RANBP10: variants seen among roughly 807,000 people sequenced by gnomAD.
The protein encoded by RANBP10 is ran-binding protein 10.
RANBP10 carries 24 observed loss-of-function variants against 72.8 expected under a neutral mutation model. The observed-to-expected ratio is 0.33, with a 90% CI of 0.24 to 0.46. The LOEUF is 0.46. Among genes scored for constraint, RANBP10 ranks in the 20% least tolerant of loss-of-function variants. RANBP10 has a pLI of 1.00. For synonymous variants in RANBP10, 310 were observed against 322.3 expected, an observed-to-expected ratio of 0.96 and a Z score of 0.41; for missense variants, 679 against 817.5, an observed-to-expected ratio of 0.83 and a Z score of 2.07.
chr16:67,726,392 A>G lies in RANBP10; in HGVS notation c.*36T>C, dbSNP rs1308596464. On this transcript the variant is annotated 3_prime_UTR_variant, in exon 14 of 14. Coordinates refer to ENST00000317506, the MANE Select transcript of RANBP10 (RefSeq NM_020850.3). ...GCAGGGCAGCTCCAGCCCTGGGGCC[A>G]GTGGAGGGCCAGCCAGAGCCAGCCA... 1 of 1,610,118 alleles carries G rather than the reference A, an allele frequency of 6.2e-7. No homozygotes were observed. The highest frequency in any genetic ancestry group is 8.5e-7 in the Non-Finnish European group (1 of 1,178,656).
At chr16:67,766,808 C>T (rs1356198517) in intron 3 of RANBP10, among the ~76,000 whole-genome samples, 1 of 152,188 alleles carries the variant, frequency 6.6e-6, no homozygotes, top group African/African-American at 2.4e-5. Flanking sequence ...TCCCACCTGC[C>T]CTGTACTGGA....
intron 2 of RANBP10, among the ~76,000 whole-genome samples, chr16:67,781,269 A>G (rs2054804505): frequency 1.3e-5 from 2 of 152,226 alleles, no homozygotes; most frequent in African/African-American, 4.8e-5. Context: ...CATCTAAAAC[A>G]AACACCTGTT....
intron 3 of RANBP10, among the ~76,000 whole-genome samples, chr16:67,754,111 C>T (rs1209164229): frequency 2.9e-5 from 4 of 140,182 alleles, no homozygotes; most frequent in Non-Finnish European, 4.5e-5. Flanking sequence ...CCAGCCTGGG[C>T]GACAGAGCAA....
chr16:67,734,454 T>C (rs1197509545), intron 6 of RANBP10, among the ~76,000 whole-genome samples: 3 of 152,210 alleles, frequency 2.0e-5, no homozygotes, highest in African/African-American at 7.2e-5. Flanking sequence ...AGTTGGATGC[T>C]GGGCCCTGTG....
At chr16:67,754,060 G>A (rs1427592792) in intron 3 of RANBP10, among the ~76,000 whole-genome samples, 2 of 151,578 alleles carry the variant, frequency 1.3e-5, no homozygotes, top group African/African-American at 2.4e-5. Flanking sequence ...CGTGAACCGG[G>A]AGGCGGAGCT....
chr16:67,729,056 T>C lies in RANBP10; in HGVS notation c.1352+224A>G, dbSNP rs1158752503. ...GACCACATCCTCAGCCTGGCATCAT[T>C]GGAGCCTCTGGAGAAAGCCAAGGCC... On this transcript the variant is annotated intron_variant, in intron 10 of 13. Transcript: ENST00000317506. This position sits in a 1 kb window ranked among gnomAD's most constrained non-coding sequence, Gnocchi z 7.1. 2.0e-5 allele frequency among the ~76,000 whole-genome samples: 3 copies of C among 152,238 alleles called. No individual in the cohort carries two copies. The highest frequency in any genetic ancestry group is 6.5e-5 in the Admixed American group (1 of 15,286).
chr16:67,803,838 A>T (rs1396208014), intron 2 of RANBP10, among the ~76,000 whole-genome samples: 3 of 150,332 alleles, frequency 2.0e-5, no homozygotes, highest in Non-Finnish European at 3.0e-5. Context: ...ATTAAAAAAA[A>T]AAAAAAAAAA....
chr16:67,763,524 G>A (rs940486173), intron 3 of RANBP10: 1 of 152,222 alleles, frequency 6.6e-6, no homozygotes, highest in Non-Finnish European at 1.5e-5. Flanking sequence ...GGTGCAATGA[G>A]CGGAGTGGCT....
intron 10 of RANBP10, among the ~76,000 whole-genome samples, chr16:67,728,768 C>A (rs776475942): frequency 1.1e-4 from 17 of 152,240 alleles, no homozygotes; most frequent in Non-Finnish European, 1.9e-4. Flanking sequence ...TGGCCCTCCT[C>A]TGAGTTCACA....
In RANBP10 at chr16:67,727,596, G is replaced by C. The variant is rs148819585; in HGVS notation, c.1620+155C>G. On this transcript the variant is annotated intron_variant, in intron 12 of 13. Coordinates refer to ENST00000317506, the MANE Select transcript of RANBP10 (RefSeq NM_020850.3). ...GTACTCTCCCCAGAGCCTAGGTGTG[G>C]AGGGCACATGTCCAGTGGGCCCAGA... 3.3e-3 allele frequency among the ~76,000 whole-genome samples: 495 copies of C among 152,260 alleles called. 1 individual carries two copies. Among genetic ancestry groups the C allele is most frequent in the Non-Finnish European group, 6.2e-3 (424 of 67,992 alleles).
chr16:67,734,188 C>T (rs572754282), intron 6 of RANBP10, among the ~76,000 whole-genome samples: 43 of 152,386 alleles, frequency 2.8e-4, no homozygotes, highest in Admixed American at 2.5e-3. Flanking sequence ...AGTGGAAGCC[C>T]AGCCCTTCCC....
At chr16:67,804,818 C>T (rs1311858930) in intron 2 of RANBP10, among the ~76,000 whole-genome samples, 1 of 152,060 alleles carries the variant, frequency 6.6e-6, no homozygotes. Flanking sequence ...CGTGAGCCAC[C>T]GTGCCTGGCT....
At chr16:67,776,461 C>CAAAAAAAAAAAAAAAAAAAAAAAA (rs149876935) in intron 2 of RANBP10, among the ~76,000 whole-genome samples, 1 of 37,894 alleles carries the variant, frequency 2.6e-5, no homozygotes. Context: ...GACTCCATCT[C>CAAAAAAAAAAAAAAAAAAAAAAAA]AAAAAAAAAA....
At chr16:67,763,904 C>A (rs1046554590) in intron 3 of RANBP10, among the ~76,000 whole-genome samples, 1 of 152,144 alleles carries the variant, frequency 6.6e-6, no homozygotes, top group African/African-American at 2.4e-5. Flanking sequence ...ACCATGTTGG[C>A]CAGGCTAGTC....
intron 2 of RANBP10, among the ~76,000 whole-genome samples, chr16:67,797,621 C>T (rs1163583107): frequency 6.6e-6 from 1 of 152,068 alleles, no homozygotes; most frequent in Non-Finnish European, 1.5e-5. Flanking sequence ...ACCAGCCTGG[C>T]CAACATGGCA....
chr16:67,792,285 T>TG (rs1256601159), intron 2 of RANBP10, among the ~76,000 whole-genome samples: 1 of 152,008 alleles, frequency 6.6e-6, no homozygotes, highest in African/African-American at 2.4e-5. Context: ...CCAGGCACCG[T>TG]GGCTCACGCC....
intron 3 of RANBP10, among the ~76,000 whole-genome samples, chr16:67,767,753 C>T (rs1190385563): frequency 3.3e-5 from 5 of 152,114 alleles, no homozygotes; most frequent in Admixed American, 2.6e-4. Context: ...CCCACCACCG[C>T]GCCCGGCTAA....
intron 3 of RANBP10, among the ~76,000 whole-genome samples, chr16:67,759,063 G>A (rs945073046): frequency 6.6e-5 from 10 of 152,224 alleles, no homozygotes; most frequent in African/African-American, 2.4e-4. Context: ...GGACCACAGC[G>A]TCCTGCAGCA....
At chr16:67,728,568 G>C in intron 10 of RANBP10, 57 bp from the exon 11 acceptor site, 1 of 1,612,002 alleles carries the variant, frequency 6.2e-7, no homozygotes, top group Non-Finnish European at 8.5e-7. Context: ...GAGCAGCCTG[G>C]TTGGGCCTCC....
Sources: gnomAD v4.1 joint callset for allele counts (sites outside exome capture counted in the v4.1 genomes callset) on GRCh38, gnomAD v4.1.1 for gene constraint, Gnocchi (gnomAD v3.1) non-coding constraint, MANE v1.5 for transcripts, NCBI Gene and HGNC (gene_info 2026-07-23, HGNC 2026-07-21) for gene names.